The following EFHC2 variants were observed in gnomAD, a reference collection of about 807,000 sequenced individuals.
EFHC2 encodes EF-hand domain-containing family member C2.
EFHC2 carries 18 observed loss-of-function variants against 52.7 expected under a neutral mutation model. The observed-to-expected ratio is 0.34, with a 90% confidence interval of 0.24 to 0.51. The LOEUF is 0.51. Ranked by LOEUF, EFHC2 falls within the 20% of genes least tolerant of loss-of-function variation. EFHC2 has a pLI of 0.97. For synonymous variants in EFHC2, 203 were observed against 204.1 expected (o/e 0.99, Z 0.04); for missense variants, 513 against 562.5 (o/e 0.91, Z 0.89).
chrX:44,182,853 TTTAG>T (rs1391713432), intron 11 of EFHC2, among the ~76,000 whole-genome samples: 1 of 111,528 alleles, frequency 9.0e-6, no homozygotes, highest in African/African-American at 3.3e-5. Context: ...CACAGTATTA[TTTAG>T]TTAATCTTAT....
chrX:44,326,704 T>G lies in EFHC2; in HGVS notation c.43-13948A>C, dbSNP rs200626124. Among the ~76,000 whole-genome samples the G allele has an allele frequency of 5.6e-5, 6 of 106,549 alleles. No homozygotes were observed. The East Asian group carries it at 1.8e-3, about 31-fold the overall frequency. 92.5% of individuals were successfully genotyped at this position (106,549 alleles called of 115,157 possible). A position where few individuals can be genotyped will look rare whatever the true frequency, so the allele number is the denominator to read the frequency against. On this transcript the variant is annotated intron_variant, in intron 1 of 14. Transcript: ENST00000420999. Reference sequence around the variant, plus strand: ...ATATTCTATCATCATCCCTATTTTATGCATGGAGTCTGATTTTTTTTTTTT... The same window carrying G: ...ATATTCTATCATCATCCCTATTTTAGGCATGGAGTCTGATTTTTTTTTTTT...
At chrX:44,244,458 C>A (rs1442110482) in intron 7 of EFHC2, among the ~76,000 whole-genome samples, 1 of 112,233 alleles carries the variant, frequency 8.9e-6, no homozygotes, top group East Asian at 2.8e-4. Context: ...AAAAAGTATA[C>A]ATTTTTGTAC....
Position 44,250,207 on chromosome X carries a change from C to T in EFHC2, c.845G>A (p.Ser282Asn). ...TCCACTGCTCACCTTGGGTAGCTTA[C>T]TCCTCCGGAGGAACATTTTTAGAGC... is the stretch of plus-strand genomic sequence containing the variant. The part of the protein sequence containing the change: ...RDALKMFLRR[S>N]KLPKNCPPRV... Residue 282 changes from serine to asparagine, a missense_variant, in exon 5 of 15, where the codon AGT becomes AAT. By Grantham distance (46) the Ser-to-Asn change is conservative. Coordinates refer to ENST00000420999, the MANE Select transcript of EFHC2 (RefSeq NM_025184.4). 2 of 1,209,886 alleles carry T rather than the reference C, an allele frequency of 1.7e-6. No individual in the cohort carries two copies. The highest frequency in any genetic ancestry group is 3.5e-5 in the South Asian group (2 of 56,522).
chrX:44,287,825 T>C (rs1366153673), intron 2 of EFHC2, among the ~76,000 whole-genome samples: 1 of 112,033 alleles, frequency 8.9e-6, no homozygotes, highest in Non-Finnish European at 1.9e-5. Context: ...ATTAACAGGC[T>C]CCCTGAACCT....
intron 2 of EFHC2, chrX:44,310,474 C>A: frequency 1.5e-6 from 1 of 652,419 alleles, no homozygotes; most frequent in Non-Finnish European, 2.2e-6. Context: ...GGACGGAGAG[C>A]ATGGTGGTAG....
intron 2 of EFHC2, among the ~76,000 whole-genome samples, chrX:44,294,010 CAT>C (rs1418739259): frequency 1.8e-5 from 2 of 112,266 alleles, no homozygotes; most frequent in Non-Finnish European, 3.8e-5. Flanking sequence ...CCAGCCTGCA[CAT>C]GTGCCATTTT....
In EFHC2 at chrX:44,232,605, A is replaced by G. The variant is rs1193116192; in HGVS notation, c.1496T>C (p.Leu499Pro). ...CTCCTCGGCCTTGATATATTCAGAT[A>G]GTTCACTTTTAAAGACTTCTTGTCC... ...KPGQEVFKSELSEYIKAEELY... is the reference protein window; with the variant it reads ...KPGQEVFKSEPSEYIKAEELY... Residue 499 changes from leucine to proline, a missense_variant, in exon 10 of 15, where the codon CTA becomes CCA. Coordinates refer to ENST00000420999, the MANE Select transcript of EFHC2 (RefSeq NM_025184.4). 2 of 1,197,897 alleles carry G rather than the reference A, an allele frequency of 1.7e-6. No homozygotes were observed. The highest frequency in any genetic ancestry group is 2.3e-5 in the Admixed American group (1 of 44,348).
chrX:44,168,169 TGC>T (rs2036712104), intron 13 of EFHC2, among the ~76,000 whole-genome samples: 1 of 111,544 alleles, frequency 9.0e-6, no homozygotes, highest in African/African-American at 3.3e-5. Context: ...ACTAAGTGAC[TGC>T]AGACTCCAGG....
intron 1 of EFHC2, among the ~76,000 whole-genome samples, chrX:44,319,911 TTTTA>T (rs1845557000): frequency 9.0e-6 from 1 of 110,885 alleles, no homozygotes; most frequent in East Asian, 2.8e-4. Context: ...GCAGATAAGT[TTTTA>T]TTTATTTTAT....
At chrX:44,339,892 A>C (rs5906927) in intron 1 of EFHC2, among the ~76,000 whole-genome samples, 10,986 of 111,389 alleles carry the variant, frequency 0.099, 798 homozygotes, top group African/African-American at 0.25. Context: ...CACACAGTAC[A>C]TTTAGTACCA....
At chrX:44,152,198 C>G (rs1336112368) in intron 14 of EFHC2, among the ~76,000 whole-genome samples, 1 of 111,309 alleles carries the variant, frequency 9.0e-6, no homozygotes, top group Non-Finnish European at 1.9e-5. Context: ...AAGTGTTTTA[C>G]ATGTATTAAG....
intron 2 of EFHC2, among the ~76,000 whole-genome samples, chrX:44,295,280 T>C (rs1478892232): frequency 1.8e-5 from 2 of 111,815 alleles, no homozygotes; most frequent in African/African-American, 6.5e-5. Flanking sequence ...GAAGGCATCA[T>C]GGTGGAGGTA....
intron 2 of EFHC2, among the ~76,000 whole-genome samples, chrX:44,286,861 TAAAAAC>T (rs1369502046): frequency 2.0e-5 from 2 of 97,964 alleles, no homozygotes; most frequent in African/African-American, 7.6e-5. Context: ...AAAAAAAAAA[TAAAAAC>T]AACAAAACAA....
At chrX:44,149,702 C>T (rs1417548281) in intron 14 of EFHC2, among the ~76,000 whole-genome samples, 1 of 110,929 alleles carries the variant, frequency 9.0e-6, no homozygotes, top group Non-Finnish European at 1.9e-5. Flanking sequence ...TTCTAGGAGA[C>T]GGGTTTCGCC....
At chrX:44,190,610 T>C (rs764571519) in intron 11 of EFHC2, among the ~76,000 whole-genome samples, 1 of 111,312 alleles carries the variant, frequency 9.0e-6, no homozygotes, top group Non-Finnish European at 1.9e-5. Flanking sequence ...CTTATATTGA[T>C]TGCTTCTTGT....
In EFHC2 at chrX:44,242,255, A is replaced by G. The variant is rs2037365527; in HGVS notation, c.1146T>C (p.Ser382=). The G allele has an allele frequency of 8.3e-7, 1 of 1,208,721 alleles. No homozygotes were observed. Among genetic ancestry groups the G allele is most frequent in the East Asian group, 3.0e-5 (1 of 33,786 alleles). The change falls in exon 8 of 15, where the codon TCT becomes TCC. Residue 382 remains serine, a synonymous_variant. Coordinates refer to ENST00000420999, the MANE Select transcript of EFHC2 (RefSeq NM_025184.4). ...ATTTCCTTTCTATTTTTGGAGGAGG[A>G]GAAGGAGGCTTGCATGAAACTGAGG... ...NFTSVSCKPP[S]PPPKIERKFP... is the part of the protein sequence containing the mutation.
chrX:44,264,226 C>A (rs1306483897), intron 3 of EFHC2, among the ~76,000 whole-genome samples: 1 of 112,004 alleles, frequency 8.9e-6, no homozygotes, highest in African/African-American at 3.2e-5. Context: ...CACTGTACTG[C>A]AGCTACATAT....
chrX:44,288,476 C>G (rs1415816869), intron 2 of EFHC2, among the ~76,000 whole-genome samples: 4 of 110,028 alleles, frequency 3.6e-5, no homozygotes, highest in African/African-American at 1.3e-4. Context: ...CACTTAGAGA[C>G]AATCACTAAC....
At chrX:44,179,200 T>C (rs1188865581) in intron 11 of EFHC2, among the ~76,000 whole-genome samples, 1 of 110,614 alleles carries the variant, frequency 9.0e-6, no homozygotes, top group Non-Finnish European at 1.9e-5. Flanking sequence ...CAACAACATA[T>C]CAATGAAGAC....
Sources: gnomAD v4.1 joint callset for allele counts (sites outside exome capture counted in the v4.1 genomes callset) on GRCh38, gnomAD v4.1.1 for gene constraint, MANE v1.5 for transcripts, NCBI Gene and HGNC (gene_info 2026-07-23, HGNC 2026-07-21) for gene names.